Variants in FIP1L1 observed in about 807,000 individuals in gnomAD.
FIP1L1 encodes the protein factor interacting with PAPOLA and CPSF1, also known as pre-mRNA 3'-end-processing factor FIP1.
FIP1L1 carries 21 observed loss-of-function variants against 84.6 expected under a neutral mutation model. That is an observed-to-expected ratio of 0.25 (90% confidence interval 0.18 to 0.36). The LOEUF is 0.36. FIP1L1 is among the 10% of genes least tolerant of loss of function. The pLI, the probability that FIP1L1 is intolerant of heterozygous loss-of-function variation, is 1.00. For missense variants in FIP1L1, 526 were observed against 751.1 expected (o/e 0.70, Z 3.50); for synonymous variants, 263 against 242.3 (o/e 1.09, Z -0.80).
At chr4:53,428,628 A>G (rs150808870) in intron 13 of FIP1L1, among the ~76,000 whole-genome samples, 1 of 152,144 alleles carries the variant, frequency 6.6e-6, no homozygotes, top group African/African-American at 2.4e-5. Flanking sequence ...CTTTTAGGAG[A>G]CTGCTACTGG....
chr4:53,379,273 A>C lies in FIP1L1; in HGVS notation c.170+9A>C. 3 of 1,584,088 alleles carry C rather than the reference A, an allele frequency of 1.9e-6. No individual in the cohort carries two copies. In the South Asian group the frequency reaches 3.5e-5, roughly 19 times the overall value. On this transcript the variant is annotated intron_variant, in intron 3 of 17. Transcript: ENST00000337488. Reference sequence around the variant, plus strand: ...GAAGAAGAAAATGCCAGGTTAGTGAAATTTTCTGTTGATGCCTATTACACA... The same window carrying C: ...GAAGAAGAAAATGCCAGGTTAGTGACATTTTCTGTTGATGCCTATTACACA...
chr4:53,399,003 T>C (rs1199139508), intron 9 of FIP1L1, among the ~76,000 whole-genome samples: 1 of 151,980 alleles, frequency 6.6e-6, no homozygotes, highest in Non-Finnish European at 1.5e-5. Context: ...ATACAAAACT[T>C]AGCCAGGCAT....
chr4:53,443,010 A>C lies in FIP1L1; in HGVS notation c.1229+303A>C, dbSNP rs114093047. On this transcript the variant is annotated intron_variant, in intron 14 of 17. Coordinates refer to ENST00000337488, the MANE Select transcript of FIP1L1 (RefSeq NM_030917.4). ...CCAGCAAGTCAGTTTTATGGGAAAT[A>C]CAAACATAAATTACTGGAAATCATG... Among the ~76,000 whole-genome samples the C allele has an allele frequency of 9.4e-3, 1,428 of 152,244 alleles. 20 individuals carry two copies. Among genetic ancestry groups the C allele is most frequent in the African/African-American group, 0.033 (1,363 of 41,558 alleles).
At chr4:53,405,055 T>C (rs1404538953) in intron 10 of FIP1L1, among the ~76,000 whole-genome samples, 1 of 152,228 alleles carries the variant, frequency 6.6e-6, no homozygotes, top group Non-Finnish European at 1.5e-5. Context: ...GCCATTGCTT[T>C]TGGTGTTTTA....
At chr4:53,427,951 A>T in intron 12 of FIP1L1, 76 bp from the exon 13 acceptor site, 1 of 1,226,298 alleles carries the variant, frequency 8.2e-7, no homozygotes, top group Non-Finnish European at 1.1e-6. Flanking sequence ...TTCTTAGATT[A>T]AATGAAATTA....
At chr4:53,384,264 C>T (rs1739677824) in intron 5 of FIP1L1, among the ~76,000 whole-genome samples, 1 of 151,810 alleles carries the variant, frequency 6.6e-6, no homozygotes, top group African/African-American at 2.4e-5. Flanking sequence ...CAATAATTAG[C>T]CAGGCATGGT....
At chr4:53,421,490 G>T (rs571127795) in intron 11 of FIP1L1, among the ~76,000 whole-genome samples, 53 of 152,082 alleles carry the variant, frequency 3.5e-4, no homozygotes, top group Non-Finnish European at 6.9e-4. Flanking sequence ...CTTTCCTAAC[G>T]TAGCTTAAAA....
chr4:53,396,356 A>G (rs775876401), intron 9 of FIP1L1, among the ~76,000 whole-genome samples: 1 of 152,226 alleles, frequency 6.6e-6, no homozygotes, highest in Non-Finnish European at 1.5e-5. Context: ...TGAGAAAAAG[A>G]TTCAAAAGCA....
At chr4:53,409,388 G>C (rs1489874838) in intron 10 of FIP1L1, among the ~76,000 whole-genome samples, 8 of 152,192 alleles carry the variant, frequency 5.3e-5, no homozygotes, top group African/African-American at 1.9e-4. Flanking sequence ...GGCCATGTGA[G>C]GTGTCAGTCT....
Position 53,442,661 on chromosome 4 carries a change from C to T in FIP1L1, c.1183C>T (p.Pro395Ser), listed in dbSNP as rs944465193. The change falls in exon 14 of 18, where the codon CCT (proline) becomes TCT (serine). Residue 395 changes from proline to serine, a missense_variant. This residue lies in a region of FIP1L1 where 83 missense variants were observed against 93.8 expected (regional missense o/e 0.88). Coordinates refer to ENST00000337488, the MANE Select transcript of FIP1L1 (RefSeq NM_030917.4). Reference sequence around the variant, plus strand: ...ATGATTGAATGTTTCAGGTTTTCCTCCTCCACCAGGCGCTCCACCTCCATC... The same window carrying T: ...ATGATTGAATGTTTCAGGTTTTCCTTCTCCACCAGGCGCTCCACCTCCATC... ...PPLIPPPGFP[P>S]PPGAPPPSLI... 2 of 1,603,154 alleles carry T rather than the reference C, an allele frequency of 1.2e-6. No homozygotes were observed. The highest frequency in any genetic ancestry group is 1.3e-5 in the African/African-American group (1 of 74,628).
At position 53,399,832 on chromosome 4, in the gene FIP1L1, C is replaced by T. The variant is rs1232838410; in HGVS notation, c.808C>T (p.Pro270Ser). 6.2e-7 allele frequency: 1 copy of T among 1,607,962 alleles called. No homozygotes were observed. The highest frequency in any genetic ancestry group is 1.1e-5 in the South Asian group (1 of 90,888). Residue 270 changes from proline (P) to serine (S), a missense_variant, in exon 10 of 18, where the codon CCG becomes TCG. By Grantham distance (74) the Pro-to-Ser change is moderately conservative (BLOSUM62 -1). Coordinates refer to ENST00000337488, the MANE Select transcript of FIP1L1 (RefSeq NM_030917.4). ...PPSLFKTGLPPSRNSTSSQSQ... is the reference protein window; with the variant it reads ...PPSLFKTGLPSSRNSTSSQSQ... ...TTCTTTGTTCAAGACTGGGCTTCCA[C>T]CGAGCAGGTTAGTTACATAGTTATA...
intron 5 of FIP1L1, among the ~76,000 whole-genome samples, chr4:53,384,631 T>C (rs1272015520): frequency 1.3e-5 from 2 of 152,266 alleles, no homozygotes; most frequent in Admixed American, 1.3e-4. Context: ...TAGGCCAATG[T>C]TTGTCTCCAA....
At position 53,460,679 on chromosome 4, in the gene FIP1L1, T is replaced by C. The variant is rs1719206884; in HGVS notation, c.*1230T>C. The C allele has an allele frequency of 4.3e-6, 2 of 463,508 alleles. No homozygotes were observed. The highest frequency in any genetic ancestry group is 6.1e-5 in the South Asian group (2 of 32,848). The allele number at this position is 463,508 out of a possible 1,614,324, so 28.7% of individuals were successfully genotyped here. A position where few individuals can be genotyped will look rare whatever the true frequency, so the allele number is the denominator to read the frequency against. On this transcript the variant is annotated 3_prime_UTR_variant, in exon 18 of 18. Coordinates refer to ENST00000337488, the MANE Select transcript of FIP1L1 (RefSeq NM_030917.4). ...TTGAATAGAAAAAATATAAACAATG[T>C]TGTAGAGTAATGAGAAATCCTCCAC...
intron 15 of FIP1L1, among the ~76,000 whole-genome samples, chr4:53,446,597 T>C (rs1339940522): frequency 6.6e-6 from 1 of 152,152 alleles, no homozygotes; most frequent in Non-Finnish European, 1.5e-5. Context: ...ATTTTGACTA[T>C]TAAGTACTTG....
intron 4 of FIP1L1, 77 bp from the exon 5 acceptor site, chr4:53,383,696 T>C: frequency 7.3e-7 from 1 of 1,378,784 alleles, no homozygotes; most frequent in Non-Finnish European, 9.7e-7. Flanking sequence ...ACAGGGTGGT[T>C]ACTTTTTTTA....
intron 3 of FIP1L1, 91 bp downstream of exon 3, chr4:53,379,355 G>A: frequency 9.0e-7 from 1 of 1,114,208 alleles, no homozygotes; most frequent in Non-Finnish European, 1.3e-6. Context: ...ACAATCATTG[G>A]CTTCATTACA....
intron 5 of FIP1L1, among the ~76,000 whole-genome samples, chr4:53,389,033 T>G (rs1742708462): frequency 6.6e-6 from 1 of 152,340 alleles, no homozygotes; most frequent in Admixed American, 6.5e-5. Context: ...TATACATTCA[T>G]GTAACTACAG....
chr4:53,459,635 C>G lies in FIP1L1; in HGVS notation c.*186C>G. 1 of 780,236 alleles carries G rather than the reference C, an allele frequency of 1.3e-6. No homozygotes were observed. Among genetic ancestry groups the G allele is most frequent in the Non-Finnish European group, 2.0e-6 (1 of 489,912 alleles). The allele number at this position is 780,236 out of a possible 1,614,324, so 48.3% of individuals were successfully genotyped here. A position where few individuals can be genotyped will look rare whatever the true frequency, so the allele number is the denominator to read the frequency against. The stretch of plus-strand genomic sequence containing the variant: ...TTAAGTTAAAAATCTTTGTCTTGTA[C>G]TATTTCAAAAATAAAAAGACAGCAA... On this transcript the variant is annotated 3_prime_UTR_variant, in exon 18 of 18. Coordinates refer to ENST00000337488, the MANE Select transcript of FIP1L1 (RefSeq NM_030917.4).
At position 53,459,612 on chromosome 4, in the gene FIP1L1, A is replaced by T. The variant is rs1721388442; in HGVS notation, c.*163A>T. 1.0e-6 allele frequency: 1 copy of T among 981,454 alleles called. No homozygotes were observed. 60.8% of individuals were successfully genotyped at this position (981,454 alleles called of 1,614,324 possible). A position where few individuals can be genotyped will look rare whatever the true frequency, so the allele number is the denominator to read the frequency against. On this transcript the variant is annotated 3_prime_UTR_variant, in exon 18 of 18. Coordinates refer to ENST00000337488, the MANE Select transcript of FIP1L1 (RefSeq NM_030917.4). ...AATAAAAGAGTGAATTTTTCATGTT[A>T]AGTTAAAAATCTTTGTCTTGTACTA...
Sources: allele counts gnomAD v4.1 joint callset (sites outside exome capture counted in the v4.1 genomes callset), GRCh38; gene constraint gnomAD v4.1.1; regional missense constraint gnomAD v4.1.1; transcripts MANE v1.5; gene names NCBI Gene and HGNC (gene_info 2026-07-23, HGNC 2026-07-21).